IL6ST: variants seen among roughly 807,000 people sequenced by gnomAD.
The protein encoded by IL6ST is interleukin-6 receptor subunit beta.
IL6ST carries 24 observed loss-of-function variants against 91.3 expected under a neutral mutation model. That is an observed-to-expected ratio of 0.26 (90% CI 0.19 to 0.37). The LOEUF is 0.37. IL6ST is among the 10% of genes least tolerant of loss of function. The pLI, the probability that IL6ST is intolerant of heterozygous loss-of-function variation, is 1.00. For synonymous variants in IL6ST, 351 were observed against 373.6 expected (o/e 0.94, Z 0.70); for missense variants, 914 against 1,078.5 (o/e 0.85, Z 2.14).
At chr5:55,975,246 T>C (rs1305086506) in intron 3 of IL6ST, among the ~76,000 whole-genome samples, 1 of 152,150 alleles carries the variant, frequency 6.6e-6, no homozygotes, top group East Asian at 1.9e-4. Context: ...TCTCACTTGG[T>C]ACTGCCTCGA....
rs187338318 is a variant in IL6ST at position 55,990,849 on chromosome 5, C to T, written c.-104+3935G>A. Among the ~76,000 whole-genome samples, 143 of 151,960 alleles carry T rather than the reference C, an allele frequency of 9.4e-4. 1 individual carries two copies. Among genetic ancestry groups the T allele is most frequent in the African/African-American group, 3.2e-3 (132 of 41,390 alleles). ...TGGTGTGCTGCACCCGTTAACTAGT[C>T]ATTTACATTAGGTATATCTCCTAAT... On this transcript the variant is annotated intron_variant, in intron 1 of 16. Transcript: ENST00000381298.
chr5:55,952,519 T>C (rs1751697928), intron 11 of IL6ST, among the ~76,000 whole-genome samples, 168 bp from the exon 12 acceptor site: 1 of 152,232 alleles, frequency 6.6e-6, no homozygotes, highest in Non-Finnish European at 1.5e-5. Flanking sequence ...CTTAATCAGG[T>C]AAAACTGTCT....
Position 55,957,835 on chromosome 5 carries a change from CTT to C in IL6ST, c.974-546_974-545del, listed in dbSNP as rs1178677965. On this transcript the variant is annotated intron_variant, in intron 8 of 16. Coordinates refer to ENST00000381298, the MANE Select transcript of IL6ST (RefSeq NM_002184.4). ...TAATATGATTTTTTAAAGAAAAAAA[CTT>C]TTTAAAATAAAGTTTTTAACAGTAA... 2.6e-5 allele frequency among the ~76,000 whole-genome samples: 4 copies of C among 151,724 alleles called. No individual in the cohort carries two copies. The South Asian group carries it at 6.3e-4, about 24-fold the overall frequency.
intron 1 of IL6ST, among the ~76,000 whole-genome samples, chr5:55,988,534 A>C (rs1406979872): frequency 6.6e-6 from 1 of 152,110 alleles, no homozygotes; most frequent in Non-Finnish European, 1.5e-5. Flanking sequence ...TGGGAGGCCG[A>C]GATAGGCAGA....
chr5:55,945,775 C>T (rs903279169), intron 15 of IL6ST, among the ~76,000 whole-genome samples: 5 of 150,400 alleles, frequency 3.3e-5, no homozygotes, highest in Admixed American at 6.6e-5. Flanking sequence ...CTCAGCCTCC[C>T]GAGTAGCTGG....
In IL6ST at chr5:55,940,352, G is replaced by A. The variant is rs1287694246; in HGVS notation, c.*730C>T. On this transcript the variant is annotated 3_prime_UTR_variant, in exon 17 of 17. Transcript: ENST00000381298. ...TGGCACTCTGTTGAGTTTGTGAAAT[G>A]CATCTTCAAAGAGGTTGTCAATAAT... 9.6e-6 allele frequency: 2 copies of A among 208,798 alleles called. 1 individual carries two copies. The highest frequency in any genetic ancestry group is 1.2e-4 in the Admixed American group (2 of 16,906). The allele number at this position is 208,798 out of a possible 1,614,324, so 12.9% of individuals were successfully genotyped here. A position where few individuals can be genotyped will look rare whatever the true frequency, so the allele number is the denominator to read the frequency against.
chr5:55,961,118 ATAAGTG>A (rs1752287271), intron 7 of IL6ST, among the ~76,000 whole-genome samples: 1 of 152,232 alleles, frequency 6.6e-6, no homozygotes, highest in Non-Finnish European at 1.5e-5. Context: ...CTGGAGAGAA[ATAAGTG>A]TAAGTTAAAA....
At chr5:55,945,347 A>C (rs1751180193) in intron 15 of IL6ST, among the ~76,000 whole-genome samples, 1 of 152,176 alleles carries the variant, frequency 6.6e-6, no homozygotes, top group Non-Finnish European at 1.5e-5. Context: ...ATAGATACAG[A>C]CTTATAAAGA....
rs1750469323 is a variant in IL6ST at position 55,935,630 on chromosome 5, C to T, written c.*5452G>A. On this transcript the variant is annotated 3_prime_UTR_variant, in exon 17 of 17. Coordinates refer to ENST00000381298, the MANE Select transcript of IL6ST (RefSeq NM_002184.4). ...CTTTCACACATTCTTCTTTTTCTACCTCAGTTCCTCTTTGCTTGTAGTCTT... is the reference window on the plus strand; with the variant it reads ...CTTTCACACATTCTTCTTTTTCTACTTCAGTTCCTCTTTGCTTGTAGTCTT... 2 of 219,278 alleles carry T rather than the reference C, an allele frequency of 9.1e-6. No homozygotes were observed. The highest frequency in any genetic ancestry group is 1.8e-4 in the South Asian group (1 of 5,412). The allele number at this position is 219,278 out of a possible 1,614,324, so 13.6% of individuals were successfully genotyped here. A position where few individuals can be genotyped will look rare whatever the true frequency, so the allele number is the denominator to read the frequency against.
rs1750572745 is a variant in IL6ST, at chr5:55,936,999, T to C, written c.*4083A>G. Reference sequence around the variant, plus strand: ...TTAGAGTATATTCAATACACATACATATTGAGACTAGAGAATTTTCAAATA... The same window carrying C: ...TTAGAGTATATTCAATACACATACACATTGAGACTAGAGAATTTTCAAATA... On this transcript the variant is annotated 3_prime_UTR_variant, in exon 17 of 17. Transcript: ENST00000381298. The C allele has an allele frequency of 5.0e-6, 1 of 200,320 alleles. No homozygotes were observed. Among genetic ancestry groups the C allele is most frequent in the Non-Finnish European group, 1.0e-5 (1 of 96,930 alleles). The allele number at this position is 200,320 out of a possible 1,614,324, so 12.4% of individuals were successfully genotyped here.
Position 55,941,028 on chromosome 5 carries a change from T to C in IL6ST, c.*54A>G. ...AAATCTGAATTCACAGATAAAATCA[T>C]TTTAGCTTTACTTTATAGGTACTGC... On this transcript the variant is annotated 3_prime_UTR_variant, in exon 17 of 17. Coordinates refer to ENST00000381298, the MANE Select transcript of IL6ST (RefSeq NM_002184.4). 2.7e-6 allele frequency: 4 copies of C among 1,490,676 alleles called. No homozygotes were observed. The highest frequency in any genetic ancestry group is 3.6e-6 in the Non-Finnish European group (4 of 1,107,878). 92.3% of individuals were successfully genotyped at this position (1,490,676 alleles called of 1,614,324 possible).
rs960702051 is a variant in IL6ST at position 55,938,269 on chromosome 5, T to C, written c.*2813A>G. 2 of 192,956 alleles carry C rather than the reference T, an allele frequency of 1.0e-5. No homozygotes were observed. Among genetic ancestry groups the C allele is most frequent in the African/African-American group, 2.3e-5 (1 of 43,140 alleles). 12.0% of individuals were successfully genotyped at this position (192,956 alleles called of 1,614,324 possible). A position where few individuals can be genotyped will look rare whatever the true frequency, so the allele number is the denominator to read the frequency against. ...GAGGTATGAACACAGAACATGTGAATGAAATTTGCTTTTTTTCCTTGCTGC... is the reference window on the plus strand; with the variant it reads ...GAGGTATGAACACAGAACATGTGAACGAAATTTGCTTTTTTTCCTTGCTGC... On this transcript the variant is annotated 3_prime_UTR_variant, in exon 17 of 17. Transcript: ENST00000381298.
chr5:55,968,802 C>T (rs902008700), intron 4 of IL6ST, among the ~76,000 whole-genome samples: 1 of 152,198 alleles, frequency 6.6e-6, no homozygotes, highest in Non-Finnish European at 1.5e-5. Flanking sequence ...CTTTCCCAAA[C>T]TCGTTGGAAG....
Position 55,940,208 on chromosome 5 carries a change from G to GT in IL6ST, c.*873dup, listed in dbSNP as rs910226465. The GT allele has an allele frequency of 2.7e-4, 56 of 207,526 alleles. No individual in the cohort carries two copies. Among genetic ancestry groups the GT allele is most frequent in the East Asian group, 2.3e-3 (31 of 13,766 alleles). 12.9% of individuals were successfully genotyped at this position (207,526 alleles called of 1,614,324 possible). A position where few individuals can be genotyped will look rare whatever the true frequency, so the allele number is the denominator to read the frequency against. On this transcript the variant is annotated 3_prime_UTR_variant, in exon 17 of 17. Coordinates refer to ENST00000381298, the MANE Select transcript of IL6ST (RefSeq NM_002184.4). ...TGCCAATTTTTTAGATGCTTTATTG[G>GT]TTTTTTTTCCCCTTTACTACTACTT...
At chr5:55,985,446 G>C (rs935937552) in intron 1 of IL6ST, among the ~76,000 whole-genome samples, 1 of 151,736 alleles carries the variant, frequency 6.6e-6, no homozygotes, top group Non-Finnish European at 1.5e-5. Context: ...GAACCCGGGA[G>C]GCAGAGGAGG....
At chr5:55,947,614 A>T (rs746672197) in intron 14 of IL6ST, 25 bp from the exon 15 acceptor site, 12 of 1,321,536 alleles carry the variant, frequency 9.1e-6, no homozygotes, top group Admixed American at 2.2e-5. Flanking sequence ...AAAAAAAAAA[A>T]AAAGAGGTGT....
chr5:55,954,704 T>C (rs1314577915), intron 11 of IL6ST, 106 bp downstream of exon 11: 7 of 745,448 alleles, frequency 9.4e-6, no homozygotes, highest in Non-Finnish European at 1.5e-5. Context: ...GAGGCTATGA[T>C]AAATTGGAAG....
intron 1 of IL6ST, among the ~76,000 whole-genome samples, chr5:55,984,387 T>A (rs1753834487): frequency 6.6e-6 from 1 of 152,206 alleles, no homozygotes; most frequent in South Asian, 2.1e-4. Flanking sequence ...ATGGGCAGAT[T>A]TAATTGGATG....
intron 7 of IL6ST, among the ~76,000 whole-genome samples, chr5:55,961,916 T>C (rs1412312727): frequency 6.6e-6 from 1 of 152,170 alleles, no homozygotes; most frequent in East Asian, 1.9e-4. Flanking sequence ...AGATGAAATC[T>C]ATACAGGTCA....
Sources: allele counts gnomAD v4.1 joint callset (sites outside exome capture counted in the v4.1 genomes callset), GRCh38; gene constraint gnomAD v4.1.1; transcripts MANE v1.5; gene names NCBI Gene and HGNC (gene_info 2026-07-23, HGNC 2026-07-21).